Variants in EPHA6 observed in about 807,000 individuals in gnomAD.
EPHA6 encodes EPH receptor A6.
In EPHA6, 50 loss-of-function variants were observed where a neutral mutation model predicts 112.0. That is an observed-to-expected ratio of 0.45 (90% confidence interval 0.36 to 0.56). The LOEUF is 0.56. EPHA6 is among the 20% of genes least tolerant of loss of function. The pLI, the probability that EPHA6 is intolerant of heterozygous loss-of-function variation, is 0.00. For missense variants in EPHA6, 1,280 were observed against 1,417.4 expected, an observed-to-expected ratio of 0.90 and a Z score of 1.56; for synonymous variants, 529 against 490.7, an observed-to-expected ratio of 1.08 and a Z score of -1.03.
intron 3 of EPHA6, among the ~76,000 whole-genome samples, chr3:97,130,406 T>G (rs1163440556): frequency 6.6e-6 from 1 of 152,178 alleles, no homozygotes; most frequent in Non-Finnish European, 1.5e-5. Context: ...TGGTCATAAT[T>G]CAGGTTTAAT....
At chr3:97,593,139 T>A (rs180810031) in intron 12 of EPHA6, among the ~76,000 whole-genome samples, 2 of 152,002 alleles carry the variant, frequency 1.3e-5, no homozygotes, top group African/African-American at 4.8e-5. Context: ...GATAGAGAAT[T>A]AAAGTATCCT....
At chr3:97,019,595 T>C (rs1318631206) in intron 3 of EPHA6, among the ~76,000 whole-genome samples, 1 of 152,182 alleles carries the variant, frequency 6.6e-6, no homozygotes, top group Non-Finnish European at 1.5e-5. Flanking sequence ...TGGAGCAATG[T>C]TGGGGCTGAC....
intron 13 of EPHA6, among the ~76,000 whole-genome samples, chr3:97,612,750 G>C (rs1239995049): frequency 2.0e-5 from 3 of 151,892 alleles, no homozygotes; most frequent in East Asian, 3.9e-4. Flanking sequence ...TGTGACCTTG[G>C]GCATGGTATC....
At chr3:96,819,667 T>C (rs900389858) in intron 1 of EPHA6, among the ~76,000 whole-genome samples, 1 of 152,162 alleles carries the variant, frequency 6.6e-6, no homozygotes, top group African/African-American at 2.4e-5. Flanking sequence ...CCAACATACA[T>C]TGTAATCAAA....
At chr3:97,125,262 T>A (rs2048152149) in intron 3 of EPHA6, among the ~76,000 whole-genome samples, 1 of 152,198 alleles carries the variant, frequency 6.6e-6, no homozygotes, top group South Asian at 2.1e-4. Context: ...TAAGAAAGAA[T>A]TTATTTAGGA....
chr3:97,392,096 A>G (rs1197191832), intron 5 of EPHA6, among the ~76,000 whole-genome samples: 2 of 151,880 alleles, frequency 1.3e-5, no homozygotes, highest in African/African-American at 2.4e-5. Flanking sequence ...AATAAGCCAC[A>G]TATATTACTT....
At chr3:97,029,099 A>C (rs969705032) in intron 3 of EPHA6, among the ~76,000 whole-genome samples, 8 of 151,660 alleles carry the variant, frequency 5.3e-5, no homozygotes, top group African/African-American at 1.9e-4. Flanking sequence ...ATAACAATAA[A>C]ATTCTAATAT....
intron 3 of EPHA6, among the ~76,000 whole-genome samples, chr3:97,212,288 T>C (rs2077898436): frequency 6.6e-6 from 1 of 152,126 alleles, no homozygotes; most frequent in Non-Finnish European, 1.5e-5. Flanking sequence ...TAATGTGGGA[T>C]TAAGTATGGT....
At chr3:97,082,358 T>G (rs1375925607) in intron 3 of EPHA6, among the ~76,000 whole-genome samples, 2 of 151,972 alleles carry the variant, frequency 1.3e-5, no homozygotes, top group African/African-American at 4.8e-5. Flanking sequence ...AATAGCGTGT[T>G]ATTTATTTCA....
chr3:97,649,037 C>T (rs1560230578), intron 14 of EPHA6, among the ~76,000 whole-genome samples: 1 of 152,074 alleles, frequency 6.6e-6, no homozygotes, highest in Non-Finnish European at 1.5e-5. Flanking sequence ...CTGCTTTAGG[C>T]ACAAAACAGG....
At chr3:97,520,532 T>G (rs1380715083) in intron 10 of EPHA6, among the ~76,000 whole-genome samples, 5 of 152,230 alleles carry the variant, frequency 3.3e-5, no homozygotes, top group Non-Finnish European at 7.3e-5. Context: ...GAATATATCA[T>G]CCTATTATCT....
chr3:97,299,933 A>G (rs146600020), intron 5 of EPHA6, among the ~76,000 whole-genome samples: 247 of 152,298 alleles, frequency 1.6e-3, no homozygotes, highest in African/African-American at 5.6e-3. Flanking sequence ...AATAGATTGC[A>G]TACCGTTGTT....
intron 10 of EPHA6, among the ~76,000 whole-genome samples, chr3:97,530,192 T>A (rs1234769663): frequency 2.0e-5 from 3 of 152,034 alleles, no homozygotes; most frequent in Non-Finnish European, 2.9e-5. Flanking sequence ...TAGGCCTGGA[T>A]GTATTGGACA....
chr3:96,884,983 A>G (rs2037540292), intron 2 of EPHA6, among the ~76,000 whole-genome samples: 1 of 152,204 alleles, frequency 6.6e-6, no homozygotes, highest in Non-Finnish European at 1.5e-5. Context: ...TGAAATGATC[A>G]TGCGATTTTT....
chr3:96,903,584 G>A (rs928289171), intron 2 of EPHA6, among the ~76,000 whole-genome samples: 1 of 151,946 alleles, frequency 6.6e-6, no homozygotes, highest in African/African-American at 2.4e-5. Context: ...TCATTAAGAA[G>A]TTTTTACCCC....
At chr3:97,535,431 C>T (rs1317183653) in intron 11 of EPHA6, among the ~76,000 whole-genome samples, 3 of 151,904 alleles carry the variant, frequency 2.0e-5, no homozygotes, top group African/African-American at 7.3e-5. Context: ...TAGAGTGAGC[C>T]CCGTATAGGG....
intron 7 of EPHA6, among the ~76,000 whole-genome samples, chr3:97,456,508 C>G (rs1008810346): frequency 6.6e-6 from 1 of 152,018 alleles, no homozygotes; most frequent in Admixed American, 6.6e-5. Context: ...TAATATTATC[C>G]AATAAATACA....
intron 8 of EPHA6, 21 bp downstream of exon 8, chr3:97,475,481 T>C: frequency 6.6e-7 from 1 of 1,514,284 alleles, no homozygotes. Context: ...CATACCATAC[T>C]ATTTCCGAGA....
chr3:97,128,618 G>T (rs571031601), intron 3 of EPHA6, among the ~76,000 whole-genome samples: 1 of 151,952 alleles, frequency 6.6e-6, no homozygotes, highest in African/African-American at 2.4e-5. Context: ...TCCTGGGTTC[G>T]ATTCTCATGT....
Sources: gnomAD v4.1 joint callset for allele counts (sites outside exome capture counted in the v4.1 genomes callset) on GRCh38, gnomAD v4.1.1 for gene constraint, MANE v1.5 for transcripts, NCBI Gene and HGNC (gene_info 2026-07-23, HGNC 2026-07-21) for gene names.